Variants in RBFOX1 observed in about 807,000 individuals in gnomAD.
RBFOX1 encodes RNA binding fox-1 homolog 1.
In RBFOX1, 8 loss-of-function variants were observed where a neutral mutation model predicts 57.7. The observed-to-expected ratio is 0.14, with a 90% CI of 0.08 to 0.25. RBFOX1 has a LOEUF of 0.25. Ranked by LOEUF, RBFOX1 falls within the 10% of genes least tolerant of loss-of-function variation. The pLI is 1.00. For missense variants in RBFOX1, 611 were observed against 548.5 expected, an observed-to-expected ratio of 1.11 and a Z score of -1.14; for synonymous variants, 326 against 222.4, an observed-to-expected ratio of 1.47 and a Z score of -4.15.
intron 3 of RBFOX1, among the ~76,000 whole-genome samples, chr16:6,663,016 A>C (rs2098710901): frequency 6.6e-6 from 1 of 152,184 alleles, no homozygotes; most frequent in African/African-American, 2.4e-5. Flanking sequence ...GTTTGCATTC[A>C]GGGGAGAGTT....
chr16:6,208,148 A>G (rs1313498274), intron 1 of RBFOX1, among the ~76,000 whole-genome samples: 1 of 152,012 alleles, frequency 6.6e-6, no homozygotes, highest in African/African-American at 2.4e-5. Context: ...CATTATAATT[A>G]TATATGTTAT....
At chr16:6,009,087 G>T (rs1343752648) in intron 4 of RBFOX1, among the ~76,000 whole-genome samples, 1 of 151,338 alleles carries the variant, frequency 6.6e-6, no homozygotes, top group African/African-American at 2.4e-5. Flanking sequence ...AAGGCATATG[G>T]TTTGTCTTTT....
chr16:7,029,204 G>GTATATGTGTATATATACACATATA, intron 3 of RBFOX1, among the ~76,000 whole-genome samples: 1 of 37,172 alleles, frequency 2.7e-5, no homozygotes, highest in East Asian at 2.1e-3. Context: ...ATATGTATAC[G>GTATATGTGTATATATACACATATA]TATACGTATA....
chr16:6,278,354 C>G (rs1401672876), intron 1 of RBFOX1, among the ~76,000 whole-genome samples: 2 of 90,274 alleles, frequency 2.2e-5, no homozygotes, highest in Non-Finnish European at 4.0e-5. Context: ...TCGTCTCCAA[C>G]TGGGGGAAAT....
chr16:5,703,220 C>G (rs962829657), intron 3 of RBFOX1, among the ~76,000 whole-genome samples: 1 of 152,184 alleles, frequency 6.6e-6, no homozygotes, highest in African/African-American at 2.4e-5. Context: ...TATTACAGGA[C>G]ACATAACACA....
chr16:7,664,907 C>G (rs114329031), intron 12 of RBFOX1, 22 bp from the exon 13 acceptor site: 1 of 1,613,796 alleles, frequency 6.2e-7, no homozygotes, highest in Non-Finnish European at 8.5e-7. Context: ...GGATGTTTCT[C>G]TTTGTGTGTG....
At chr16:5,487,704 AT>A (rs1000303163) in intron 2 of RBFOX1, among the ~76,000 whole-genome samples, 5 of 152,172 alleles carry the variant, frequency 3.3e-5, no homozygotes, top group Admixed American at 2.0e-4. Context: ...GGTGGAGCTC[AT>A]GTCTATCTTC....
intron 4 of RBFOX1, among the ~76,000 whole-genome samples, chr16:7,211,983 C>A (rs1378978283): frequency 6.6e-6 from 1 of 152,180 alleles, no homozygotes; most frequent in Non-Finnish European, 1.5e-5. Flanking sequence ...TTCTCACTCC[C>A]ATCAAGCCAC....
chr16:5,899,748 AC>A (rs928760556), intron 4 of RBFOX1, among the ~76,000 whole-genome samples: 2 of 152,132 alleles, frequency 1.3e-5, no homozygotes, highest in African/African-American at 2.4e-5. Context: ...CCACAGATTC[AC>A]CTGAATGGGC....
chr16:6,114,991 G>C (rs2096483831), intron 1 of RBFOX1, among the ~76,000 whole-genome samples: 1 of 152,144 alleles, frequency 6.6e-6, no homozygotes, highest in African/African-American at 2.4e-5. Context: ...CAAACTGAGG[G>C]GTGGGTTATT....
At chr16:7,504,491 A>G (rs1025093413) in intron 4 of RBFOX1, among the ~76,000 whole-genome samples, 1 of 150,934 alleles carries the variant, frequency 6.6e-6, no homozygotes, top group African/African-American at 2.5e-5. Flanking sequence ...TTTATGGTGA[A>G]TTGTTCCACC....
chr16:5,710,815 G>T (rs2051458596), intron 3 of RBFOX1, among the ~76,000 whole-genome samples: 1 of 152,198 alleles, frequency 6.6e-6, no homozygotes, highest in Non-Finnish European at 1.5e-5. Context: ...TTGCATTTGT[G>T]TGCCAGGCAG....
chr16:7,084,752 GC>G (rs550523434), intron 4 of RBFOX1, among the ~76,000 whole-genome samples: 26 of 152,214 alleles, frequency 1.7e-4, no homozygotes, highest in Non-Finnish European at 3.5e-4. Flanking sequence ...CAGAAAATGA[GC>G]ATTGAGTGAA....
chr16:5,336,812 G>A (rs1441090038), intron 1 of RBFOX1, among the ~76,000 whole-genome samples: 1 of 152,150 alleles, frequency 6.6e-6, no homozygotes, highest in African/African-American at 2.4e-5. Flanking sequence ...CAACTCTCAG[G>A]TGGACTTTAA....
At chr16:6,943,590 C>T (rs955767851) in intron 3 of RBFOX1, among the ~76,000 whole-genome samples, 4 of 151,994 alleles carry the variant, frequency 2.6e-5, no homozygotes, top group Non-Finnish European at 4.4e-5. Context: ...TGCCTGTAGT[C>T]CCAGCTACTT....
chr16:6,717,631 T>C (rs1171607731), intron 3 of RBFOX1, among the ~76,000 whole-genome samples: 3 of 151,612 alleles, frequency 2.0e-5, no homozygotes, highest in African/African-American at 7.3e-5. Context: ...ACATGTCACA[T>C]CCTGGATCGA....
intron 4 of RBFOX1, among the ~76,000 whole-genome samples, chr16:7,211,378 T>C (rs7199341): frequency 0.036 from 4,187 of 117,778 alleles, 227 homozygotes; most frequent in African/African-American, 0.14. Flanking sequence ...GGCGACAGAG[T>C]GAGACTGCCT....
chr16:6,568,168 A>G (rs1389706101), intron 2 of RBFOX1, among the ~76,000 whole-genome samples: 1 of 152,210 alleles, frequency 6.6e-6, no homozygotes, highest in African/African-American at 2.4e-5. Flanking sequence ...TCAAAACAAC[A>G]AAAGTTTCTT....
At chr16:7,527,540 G>A (rs760852266) in intron 5 of RBFOX1, among the ~76,000 whole-genome samples, 1 of 152,090 alleles carries the variant, frequency 6.6e-6, no homozygotes, top group Non-Finnish European at 1.5e-5. Context: ...AAATGGCGTT[G>A]GTTAAATATC....
Sources: allele counts gnomAD v4.1 joint callset (sites outside exome capture counted in the v4.1 genomes callset), GRCh38; gene constraint gnomAD v4.1.1; transcripts MANE v1.5; gene names NCBI Gene and HGNC (gene_info 2026-07-23, HGNC 2026-07-21).